EYS: variants seen among roughly 807,000 people sequenced by gnomAD.
EYS encodes the protein protein eyes shut homolog.
EYS carries 250 observed loss-of-function variants against 282.1 expected under a neutral mutation model. That is an observed-to-expected ratio of 0.89 (90% confidence interval 0.80 to 0.98). The LOEUF is 0.98. Among genes scored for constraint, EYS ranks in the 50% least tolerant of loss-of-function variants. The probability of loss-of-function intolerance (pLI) is 0.00; values close to 1 mark genes in which losing one functional copy is unlikely to be tolerated. For missense variants in EYS, 4,016 were observed against 3,709.0 expected, an observed-to-expected ratio of 1.08 and a Z score of -2.15; for synonymous variants, 1,355 against 1,282.9, an observed-to-expected ratio of 1.06 and a Z score of -1.20.
At chr6:63,955,916 G>GTCA (rs1329208009) in intron 35 of EYS, among the ~76,000 whole-genome samples, 1 of 151,940 alleles carries the variant, frequency 6.6e-6, no homozygotes, top group Non-Finnish European at 1.5e-5. Context: ...CCATATCCAG[G>GTCA]TCATCACCAA....
chr6:64,508,224 GT>G lies in EYS; in HGVS notation c.5645-68873del, dbSNP rs542621512. Among the ~76,000 whole-genome samples the G allele has an allele frequency of 2.5e-3, 382 of 152,202 alleles. 1 individual carries two copies. Among genetic ancestry groups the G allele is most frequent in the African/African-American group, 8.3e-3 (346 of 41,534 alleles). ...CTATACATGTATACACTAAAGAAAT[GT>G]TCCAACAAATAAGAAAATTGGTCTT... On this transcript the variant is annotated intron_variant, in intron 26 of 42. Transcript: ENST00000503581.
chr6:65,060,829 C>T (rs1222727130), intron 12 of EYS, among the ~76,000 whole-genome samples: 19 of 148,766 alleles, frequency 1.3e-4, no homozygotes, highest in Admixed American at 2.0e-4. Context: ...TATGTAATTT[C>T]TTTAAAATGT....
intron 8 of EYS, among the ~76,000 whole-genome samples, chr6:65,370,871 A>C (rs879921891): frequency 2.1e-4 from 32 of 151,956 alleles, no homozygotes; most frequent in Non-Finnish European, 3.8e-4. Flanking sequence ...AGTTAGTACC[A>C]TATAAAGAAA....
chr6:64,437,793 T>C (rs1346231575), intron 27 of EYS, among the ~76,000 whole-genome samples: 16 of 151,054 alleles, frequency 1.1e-4, no homozygotes, highest in Admixed American at 9.9e-4. Context: ...CATGGTGCTA[T>C]ATATATATAC....
intron 36 of EYS, among the ~76,000 whole-genome samples, chr6:63,835,223 G>A (rs1257132602): frequency 2.0e-5 from 3 of 150,782 alleles, no homozygotes; most frequent in Non-Finnish European, 3.0e-5. Flanking sequence ...AAAAATAAAT[G>A]AGTGTATAAA....
At chr6:65,179,986 G>T (rs947606437) in intron 12 of EYS, among the ~76,000 whole-genome samples, 4 of 152,030 alleles carry the variant, frequency 2.6e-5, no homozygotes, top group African/African-American at 7.2e-5. Context: ...TGCATAAAAG[G>T]CCTTTGACAA....
intron 13 of EYS, among the ~76,000 whole-genome samples, chr6:65,024,741 A>G (rs1432579640): frequency 6.6e-6 from 1 of 152,232 alleles, no homozygotes; most frequent in Non-Finnish European, 1.5e-5. Context: ...ATATTCATGT[A>G]GCTTTAAAAA....
At chr6:63,803,958 A>G (rs1229177270) in intron 37 of EYS, among the ~76,000 whole-genome samples, 1 of 152,188 alleles carries the variant, frequency 6.6e-6, no homozygotes, top group African/African-American at 2.4e-5. Flanking sequence ...GAAGGTGGCT[A>G]CAGAAGGCCC....
chr6:64,289,305 A>T lies in EYS; in HGVS notation c.6191+17665T>A, dbSNP rs117764888. On this transcript the variant is annotated intron_variant, in intron 30 of 42. Transcript: ENST00000503581. ...CTTCTTTTATAAAGCATGCCCACAC[A>T]TTACCAGGCTGAGAAAGGTGACTGT... is the stretch of plus-strand genomic sequence containing the variant. Among the ~76,000 whole-genome samples, 392 of 152,178 alleles carry T rather than the reference A, an allele frequency of 2.6e-3. 5 individuals carry two copies. The East Asian group carries it at 0.053, about 21-fold the overall frequency.
chr6:64,750,420 T>TAAAA (rs5876920), intron 22 of EYS, among the ~76,000 whole-genome samples: 12 of 146,974 alleles, frequency 8.2e-5, no homozygotes, highest in African/African-American at 2.8e-4. Flanking sequence ...AGAGGGAAAG[T>TAAAA]AAAAAAAAAA....
At chr6:65,416,282 T>A (rs569525038) in intron 5 of EYS, among the ~76,000 whole-genome samples, 1 of 152,062 alleles carries the variant, frequency 6.6e-6, no homozygotes, top group East Asian at 1.9e-4. Flanking sequence ...AAGAGTACAG[T>A]ACATTTTTCA....
chr6:64,946,034 A>G (rs1769279061), intron 14 of EYS, 120 bp from the exon 15 acceptor site: 1 of 746,810 alleles, frequency 1.3e-6, no homozygotes, highest in African/African-American at 1.8e-5. Flanking sequence ...AGTTTTATAG[A>G]ATGCCAATAC....
chr6:65,621,768 G>A (rs1039666860), intron 2 of EYS, among the ~76,000 whole-genome samples: 5 of 151,786 alleles, frequency 3.3e-5, no homozygotes, highest in African/African-American at 1.2e-4. Flanking sequence ...AAATCTCTCA[G>A]CATTTGCTTG....
intron 19 of EYS, among the ~76,000 whole-genome samples, chr6:64,849,880 T>C (rs1241639679): frequency 2.6e-5 from 4 of 151,250 alleles, no homozygotes; most frequent in Non-Finnish European, 4.4e-5. Context: ...AAGAAAGGTA[T>C]GTGATTAGAT....
intron 40 of EYS, among the ~76,000 whole-genome samples, chr6:63,764,720 G>A (rs1004781424): frequency 6.6e-6 from 1 of 151,794 alleles, no homozygotes; most frequent in Non-Finnish European, 1.5e-5. Flanking sequence ...ATCACATTAA[G>A]CATAATTTAA....
chr6:64,018,728 A>G lies in EYS; in HGVS notation c.6726-19545T>C, dbSNP rs970159968. On this transcript the variant is annotated intron_variant, in intron 33 of 42. Transcript: ENST00000503581. ...TGAGATGAAGAGATCATCCTGGGTT[A>G]TTTGGGAGTGTCCTGAATGTCATCA... Among the ~76,000 whole-genome samples, 9 of 81,036 alleles carry G rather than the reference A, an allele frequency of 1.1e-4. No homozygotes were observed. In the East Asian group the frequency reaches 4.1e-3, roughly 37 times the overall value. The allele number at this position is 81,036 out of a possible 152,430, so 53.2% of individuals were successfully genotyped here.
At chr6:65,633,210 G>C (rs1766979920) in intron 2 of EYS, among the ~76,000 whole-genome samples, 1 of 152,062 alleles carries the variant, frequency 6.6e-6, no homozygotes, top group Non-Finnish European at 1.5e-5. Context: ...AGATCTTCTA[G>C]TAATTCACAT....
At chr6:64,578,396 C>A (rs76072765) in intron 26 of EYS, among the ~76,000 whole-genome samples, 3,804 of 152,102 alleles carry the variant, frequency 0.025, 100 homozygotes, top group East Asian at 0.11. Flanking sequence ...ACAGTACTGG[C>A]TTTTTGCTCT....
At chr6:64,309,733 G>A (rs549592703) in intron 29 of EYS, among the ~76,000 whole-genome samples, 4 of 151,988 alleles carry the variant, frequency 2.6e-5, no homozygotes, top group South Asian at 2.1e-4. Context: ...TTGGGAGGCC[G>A]AGGCACGTGG....
Sources: allele counts gnomAD v4.1 joint callset (sites outside exome capture counted in the v4.1 genomes callset), GRCh38; gene constraint gnomAD v4.1.1; transcripts MANE v1.5; gene names NCBI Gene and HGNC (gene_info 2026-07-23, HGNC 2026-07-21).